Variants in MAP3K20 observed in about 807,000 individuals in gnomAD.
MAP3K20 encodes the protein mitogen-activated protein kinase kinase kinase 20.
In MAP3K20, 40 loss-of-function variants were observed where a neutral mutation model predicts 85.7. That is an observed-to-expected ratio of 0.47 (90% CI 0.36 to 0.61). The LOEUF (loss-of-function observed/expected upper bound fraction) is 0.61. MAP3K20 is among the 20% of genes least tolerant of loss of function. MAP3K20 has a pLI of 0.00. For synonymous variants in MAP3K20, 325 were observed against 327.7 expected, an observed-to-expected ratio of 0.99 and a Z score of 0.09; for missense variants, 817 against 961.7, an observed-to-expected ratio of 0.85 and a Z score of 1.99.
At chr2:173,192,630 A>T (rs1690691843) in intron 7 of MAP3K20, among the ~76,000 whole-genome samples, 1 of 152,232 alleles carries the variant, frequency 6.6e-6, no homozygotes, top group Admixed American at 6.5e-5. Flanking sequence ...CTAGCTTATA[A>T]AACTGGTCTC....
At position 173,181,127 on chromosome 2, in the gene MAP3K20, A is replaced by G. The variant is rs184264718; in HGVS notation, c.248-1727A>G. ...AAAAGGGGCTAATAGGCACATAAAA[A>G]GATGCCCAACTTTGTTAGTCACTAG... On this transcript the variant is annotated intron_variant, in intron 3 of 19. Transcript: ENST00000375213. Among the ~76,000 whole-genome samples, 191 of 152,358 alleles carry G rather than the reference A, an allele frequency of 1.3e-3. 1 individual carries two copies. The highest frequency in any genetic ancestry group is 3.5e-3 in the Admixed American group (54 of 15,300).
intron 2 of MAP3K20, among the ~76,000 whole-genome samples, chr2:173,145,801 G>C (rs1465610599): frequency 6.6e-6 from 1 of 152,026 alleles, no homozygotes; most frequent in Non-Finnish European, 1.5e-5. Context: ...AAAAAGACTA[G>C]TATAAGAATA....
At chr2:173,232,990 T>C (rs1319875928) in intron 14 of MAP3K20, among the ~76,000 whole-genome samples, 1 of 152,128 alleles carries the variant, frequency 6.6e-6, no homozygotes, top group East Asian at 1.9e-4. Flanking sequence ...GCATACATGG[T>C]ATAGTAGGAC....
chr2:173,263,889 G>A lies in MAP3K20; in HGVS notation c.1696G>A (p.Asp566Asn), dbSNP rs537234498. Residue 566 changes from aspartate to asparagine, a missense_variant, in exon 19 of 20, where the codon GAC becomes AAC. Physicochemically the swap from Asp to Asn is conservative, Grantham distance 23. Transcript: ENST00000375213. ...NSDGNPGSRSDSSADCQWLDT... is the reference protein window; with the variant it reads ...NSDGNPGSRSNSSADCQWLDT... The stretch of plus-strand genomic sequence containing the variant: ...AGATGGCAACCCTGGAAGCAGGTCC[G>A]ACTCAAGTAAGTTAGTGTTCCCGTA... 3.0e-5 allele frequency: 49 copies of A among 1,606,936 alleles called. No individual in the cohort carries two copies. The East Asian group carries it at 4.9e-4, about 16-fold the overall frequency.
At chr2:173,123,313 A>C (rs1224064368) in intron 2 of MAP3K20, among the ~76,000 whole-genome samples, 1 of 152,082 alleles carries the variant, frequency 6.6e-6, no homozygotes, top group Non-Finnish European at 1.5e-5. Flanking sequence ...AGCATTCTTT[A>C]TCTAACACCA....
intron 11 of MAP3K20, chr2:173,221,275 G>A: frequency 6.2e-7 from 1 of 1,614,020 alleles, no homozygotes; most frequent in Non-Finnish European, 8.5e-7. Context: ...GCCATGGCAT[G>A]AACCCAAGTC....
chr2:173,147,062 G>A (rs989649892), intron 2 of MAP3K20, among the ~76,000 whole-genome samples: 2 of 152,006 alleles, frequency 1.3e-5, no homozygotes, highest in Non-Finnish European at 2.9e-5. Context: ...TTATCTTTTT[G>A]TTATTGAGTT....
intron 11 of MAP3K20, chr2:173,225,924 A>T: frequency 1.0e-6 from 1 of 985,250 alleles, no homozygotes; most frequent in Non-Finnish European, 1.2e-6. Context: ...AAAAAAAGAA[A>T]AAAAACTCAT....
chr2:173,197,774 G>A (rs181037364), intron 7 of MAP3K20: 1 of 203,332 alleles, frequency 4.9e-6, no homozygotes, highest in African/African-American at 2.3e-5. Context: ...AGGCCCATTG[G>A]TTTCATAAAA....
chr2:173,236,415 G>A (rs1684650332), intron 14 of MAP3K20, among the ~76,000 whole-genome samples: 1 of 152,088 alleles, frequency 6.6e-6, no homozygotes, highest in Non-Finnish European at 1.5e-5. Context: ...CTAGAGTGGA[G>A]TCAGTGTAAT....
chr2:173,119,815 A>G (rs1688229333), intron 2 of MAP3K20, among the ~76,000 whole-genome samples: 1 of 152,218 alleles, frequency 6.6e-6, no homozygotes, highest in Non-Finnish European at 1.5e-5. Context: ...ATGCAGTCCC[A>G]ACAGTCACTG....
chr2:173,101,476 G>T (rs1191162620), intron 2 of MAP3K20, among the ~76,000 whole-genome samples: 1 of 152,130 alleles, frequency 6.6e-6, no homozygotes, highest in Non-Finnish European at 1.5e-5. Context: ...GTTAATATTT[G>T]TTCTACAGCC....
upstream of MAP3K20, chr2:173,075,783 G>T (rs1227902002): frequency 1.0e-6 from 1 of 985,378 alleles, no homozygotes; most frequent in Non-Finnish European, 1.2e-6. Context: ...GCGCGTGTGA[G>T]GGGAGGGCGG....
intron 2 of MAP3K20, among the ~76,000 whole-genome samples, chr2:173,107,034 A>G (rs1411543535): frequency 6.6e-6 from 1 of 152,214 alleles, no homozygotes; most frequent in African/African-American, 2.4e-5. Flanking sequence ...TCCCACATCC[A>G]GACAGGAATA....
chr2:173,148,486 G>A (rs977560383), intron 2 of MAP3K20, among the ~76,000 whole-genome samples: 1 of 152,192 alleles, frequency 6.6e-6, no homozygotes, highest in Non-Finnish European at 1.5e-5. Context: ...AGGATGAGTG[G>A]TGTGAGTAGA....
At chr2:173,170,411 C>A (rs1371033024) in intron 3 of MAP3K20, among the ~76,000 whole-genome samples, 1 of 152,146 alleles carries the variant, frequency 6.6e-6, no homozygotes, top group Non-Finnish European at 1.5e-5. Flanking sequence ...TTATAACTGA[C>A]AGAAATACGC....
intron 5 of MAP3K20, 64 bp downstream of exon 5, chr2:173,187,687 AT>A: frequency 3.6e-6 from 5 of 1,382,220 alleles, no homozygotes; most frequent in Non-Finnish European, 5.0e-6. Flanking sequence ...GCATGTAGAA[AT>A]GAGCATCATT....
At chr2:173,118,358 AT>A (rs1388944028) in intron 2 of MAP3K20, among the ~76,000 whole-genome samples, 1 of 152,208 alleles carries the variant, frequency 6.6e-6, no homozygotes, top group Non-Finnish European at 1.5e-5. Flanking sequence ...ACCTGAATTA[AT>A]TTTTTGAAAT....
chr2:173,261,849 T>C (rs1166603606), intron 18 of MAP3K20, among the ~76,000 whole-genome samples: 1 of 151,818 alleles, frequency 6.6e-6, no homozygotes, highest in Non-Finnish European at 1.5e-5. Flanking sequence ...AAACCCTATC[T>C]CTACAAAAAA....
Sources: allele counts gnomAD v4.1 joint callset (sites outside exome capture counted in the v4.1 genomes callset), GRCh38; gene constraint gnomAD v4.1.1; transcripts MANE v1.5; gene names NCBI Gene and HGNC (gene_info 2026-07-23, HGNC 2026-07-21).